DGKZ: variants seen among roughly 807,000 people sequenced by gnomAD.
The protein encoded by DGKZ is diacylglycerol kinase zeta.
A neutral mutation model predicts 142.5 loss-of-function variants in DGKZ; 45 were observed. That is an observed-to-expected ratio of 0.32 (90% CI 0.25 to 0.40). The LOEUF (loss-of-function observed/expected upper bound fraction) is 0.40. DGKZ is among the 10% of genes least tolerant of loss of function. The pLI is 1.00. For missense variants in DGKZ, 755 were observed against 1,306.5 expected (o/e 0.58, Z 6.51); for synonymous variants, 442 against 527.0 (o/e 0.84, Z 2.21).
At chr11:46,374,103 G>GC (rs1944282235) in intron 14 of DGKZ, 54 bp from the exon 15 acceptor site, 1 of 1,591,828 alleles carries the variant, frequency 6.3e-7, no homozygotes, top group African/African-American at 1.3e-5. Flanking sequence ...GGCCCCTGGA[G>GC]CGGGGACATT....
At chr11:46,344,636 T>G (rs1940456877), upstream of DGKZ, among the ~76,000 whole-genome samples, 1 of 151,978 alleles carries the variant, frequency 6.6e-6, no homozygotes, top group Non-Finnish European at 1.5e-5. Context: ...GTATTTTTAG[T>G]AGAAATGGGG....
intron 6 of DGKZ, among the ~76,000 whole-genome samples, chr11:46,370,648 C>T (rs1236462670): frequency 1.3e-5 from 2 of 152,160 alleles, no homozygotes; most frequent in African/African-American, 2.4e-5. Flanking sequence ...AGGGAAAATC[C>T]GAGTGAGGCA....
chr11:46,340,144 T>C (rs1940206729), intron 1 of DGKZ, among the ~76,000 whole-genome samples: 1 of 152,236 alleles, frequency 6.6e-6, no homozygotes, highest in Admixed American at 6.5e-5. Context: ...CTGAGATCTG[T>C]TTCTCTCCAA....
At chr11:46,379,541 G>A in exon 30 of DGKZ, 1 of 1,611,032 alleles carries the variant, frequency 6.2e-7, no homozygotes, top group Non-Finnish European at 8.5e-7. Context: ...TGGAGGCCGG[G>A]GCCTCGCTCA....
intron 1 of DGKZ, among the ~76,000 whole-genome samples, chr11:46,355,727 A>C (rs1590451997): frequency 6.7e-6 from 1 of 148,170 alleles, no homozygotes; most frequent in African/African-American, 2.5e-5. Context: ...CAGAAAGTTG[A>C]GGGGGGAGGT....
At chr11:46,345,426 C>A, upstream of DGKZ, 2 of 1,448,606 alleles carry the variant, frequency 1.4e-6, no homozygotes, top group Non-Finnish European at 9.1e-7. This position sits in a 1 kb window ranked among gnomAD's most constrained non-coding sequence, Gnocchi z 4.1. Flanking sequence ...GCACCGGGGG[C>A]TGGCCACAGT....
chr11:46,342,612 C>T (rs1219623401), upstream of DGKZ, among the ~76,000 whole-genome samples: 1 of 145,500 alleles, frequency 6.9e-6, no homozygotes. Context: ...CATCTTGAGG[C>T]ATTCAGAGAT....
At chr11:46,374,216 G>A (rs1369250259) in exon 15 of DGKZ, 1 of 1,614,032 alleles carries the variant, frequency 6.2e-7, no homozygotes, top group African/African-American at 1.3e-5. Flanking sequence ...ACGTCACCCT[G>A]GAGTTCCACG....
chr11:46,366,694 T>C, intron 1 of DGKZ: 1 of 1,568,242 alleles, frequency 6.4e-7, no homozygotes, highest in Non-Finnish European at 8.6e-7. Context: ...CACCCCCACC[T>C]CGGGGCGCCC....
chr11:46,380,183 C>T (rs1178701217), exon 31 of DGKZ: 5 of 499,634 alleles, frequency 1.0e-5, no homozygotes, highest in Non-Finnish European at 1.8e-5. Flanking sequence ...GGGAACAAGA[C>T]ACGGCTGGGT....
At chr11:46,355,667 GGA>G (rs1941933638) in intron 1 of DGKZ, among the ~76,000 whole-genome samples, 1 of 152,198 alleles carries the variant, frequency 6.6e-6, no homozygotes, top group African/African-American at 2.4e-5. Flanking sequence ...GTGGAAGCCT[GGA>G]GAGTGGGGTG....
chr11:46,376,360 A>G (rs747934546), exon 23 of DGKZ: 9 of 1,613,990 alleles, frequency 5.6e-6, no homozygotes, highest in Admixed American at 3.3e-5. Flanking sequence ...AGTCCCCGAC[A>G]TGCCAGAAAC....
intron 1 of DGKZ, chr11:46,365,569 C>T (rs1200038816): frequency 5.1e-6 from 5 of 985,346 alleles, no homozygotes; most frequent in Non-Finnish European, 4.8e-6. Flanking sequence ...GAGACCTGGT[C>T]TCCCCTGAGC....
intron 9 of DGKZ, 142 bp downstream of exon 9, chr11:46,371,917 T>C: frequency 1.6e-6 from 2 of 1,232,442 alleles, no homozygotes; most frequent in Non-Finnish European, 2.3e-6. Context: ...AAGGCAGGAT[T>C]AGATGCCAGT....
chr11:46,377,040 G>A, intron 24 of DGKZ, 33 bp from the exon 25 acceptor site: 1 of 1,594,040 alleles, frequency 6.3e-7, no homozygotes, highest in Non-Finnish European at 8.6e-7. Context: ...ACCGTCAGGT[G>A]CCCTGACCTC....
At chr11:46,376,528 C>A in exon 24 of DGKZ, 2 of 1,613,822 alleles carry the variant, frequency 1.2e-6, no homozygotes, top group Non-Finnish European at 1.7e-6. Flanking sequence ...CCACAGCCAC[C>A]ACTGCCAGCC....
chr11:46,342,554 C>T (rs1485561905), upstream of DGKZ, among the ~76,000 whole-genome samples: 1 of 152,212 alleles, frequency 6.6e-6, no homozygotes, highest in African/African-American at 2.4e-5. Flanking sequence ...CAGAATAGAC[C>T]TTGGTCTGGT....
intron 30 of DGKZ, 85 bp from the exon 31 acceptor site, chr11:46,379,746 A>C (rs916485006): frequency 7.2e-7 from 1 of 1,397,888 alleles, no homozygotes; most frequent in Non-Finnish European, 9.6e-7. Context: ...ACCAGGCCAC[A>C]GGGAGGTAGA....
At chr11:46,360,366 G>A (rs1942505341) in intron 1 of DGKZ, among the ~76,000 whole-genome samples, 1 of 151,932 alleles carries the variant, frequency 6.6e-6, no homozygotes, top group African/African-American at 2.4e-5. Context: ...ACTCTTTTGG[G>A]ATCTTCACCA....
Sources: allele counts gnomAD v4.1 joint callset (sites outside exome capture counted in the v4.1 genomes callset), GRCh38; gene constraint gnomAD v4.1.1; non-coding constraint Gnocchi (gnomAD v3.1); transcripts MANE v1.5; gene names NCBI Gene and HGNC (gene_info 2026-07-23, HGNC 2026-07-21).